The following B9D1 variants were observed in gnomAD, a reference collection of about 807,000 sequenced individuals.
B9D1 encodes B9 domain containing 1, also known as B9 domain-containing protein 1.
Under a neutral mutation model 26.1 loss-of-function variants are expected in B9D1, and 20 were observed. That is an observed-to-expected ratio of 0.77 (90% CI 0.54 to 1.12). The LOEUF (loss-of-function observed/expected upper bound fraction) is 1.12, where lower values mean the gene tolerates loss of function less well. Among genes scored for constraint, B9D1 ranks in the 50% most tolerant of loss-of-function variants. B9D1 has a pLI of 0.00. For missense variants in B9D1, 260 were observed against 273.7 expected (o/e 0.95, Z 0.35); for synonymous variants, 105 against 103.1 (o/e 1.02, Z -0.11).
chr17:19,363,935 C>T (rs1911432478), upstream of B9D1, among the ~76,000 whole-genome samples: 1 of 152,162 alleles, frequency 6.6e-6, no homozygotes, highest in South Asian at 2.1e-4. Flanking sequence ...GGCTGGTGGC[C>T]CAAGTGCTGC....
At chr17:19,343,486 C>T (rs1320670480) in intron 6 of B9D1, 25 bp from the exon 7 acceptor site, 1 of 1,613,916 alleles carries the variant, frequency 6.2e-7, no homozygotes, top group Non-Finnish European at 8.5e-7. Context: ...GCAGCATCAG[C>T]CAGGCTGGGC....
chr17:19,334,930 T>G (rs1907331078), downstream of B9D1: 1 of 154,054 alleles, frequency 6.5e-6, no homozygotes, highest in South Asian at 2.0e-4. The surrounding 1 kb of genome is among the most constrained non-coding windows in gnomAD (Gnocchi z 4.9). Flanking sequence ...GCTAATATTT[T>G]TATAACGTGG....
chr17:19,350,225 C>T (rs748505813), intron 3 of B9D1, among the ~76,000 whole-genome samples: 2 of 151,748 alleles, frequency 1.3e-5, no homozygotes, highest in Non-Finnish European at 2.9e-5. Flanking sequence ...GCCTGGGTAA[C>T]GTGGCAAAAC....
intron 3 of B9D1, among the ~76,000 whole-genome samples, chr17:19,352,763 C>T (rs1209328655): frequency 4.6e-5 from 7 of 152,006 alleles, no homozygotes; most frequent in Admixed American, 2.6e-4. Flanking sequence ...TCAGGGGATC[C>T]GCCCGCCTTG....
chr17:19,353,624 A>G (rs1450731420), intron 3 of B9D1, among the ~76,000 whole-genome samples: 1 of 151,106 alleles, frequency 6.6e-6, no homozygotes, highest in Non-Finnish European at 1.5e-5. Flanking sequence ...CTGGGCAACA[A>G]AAACGAGACT....
At chr17:19,373,270 C>G (rs1434814351) in intron 1 of B9D1, among the ~76,000 whole-genome samples, 1 of 152,192 alleles carries the variant, frequency 6.6e-6, no homozygotes, top group Non-Finnish European at 1.5e-5. Context: ...AAAAGAGTCT[C>G]AAAGCACATC....
chr17:19,343,904 T>G, intron 5 of B9D1, 47 bp from the exon 6 acceptor site: 1 of 1,612,438 alleles, frequency 6.2e-7, no homozygotes, highest in Non-Finnish European at 8.5e-7. Flanking sequence ...ACCTGGGCAT[T>G]CCTGGTCTTG....
intron 3 of B9D1, among the ~76,000 whole-genome samples, chr17:19,354,800 C>T (rs1373302318): frequency 1.3e-5 from 2 of 152,110 alleles, no homozygotes; most frequent in Non-Finnish European, 2.9e-5. Context: ...TGCACTACAG[C>T]CTGGGTGACA....
chr17:19,353,237 A>T (rs1909888729), intron 3 of B9D1, among the ~76,000 whole-genome samples: 1 of 151,340 alleles, frequency 6.6e-6, no homozygotes, highest in Non-Finnish European at 1.5e-5. Context: ...GCCTCCCAAA[A>T]TGCTGGGATT....
chr17:19,337,156 G>A (rs1262562977), downstream of B9D1, among the ~76,000 whole-genome samples: 5 of 152,372 alleles, frequency 3.3e-5, no homozygotes, highest in South Asian at 8.3e-4. Context: ...GCAACAGAGG[G>A]AGGGAGTGCG....
chr17:19,344,282 G>T (rs1462525191), intron 5 of B9D1, among the ~76,000 whole-genome samples: 1 of 152,204 alleles, frequency 6.6e-6, no homozygotes, highest in East Asian at 1.9e-4. Flanking sequence ...CTGGAAGGGG[G>T]TCCCACCCCA....
intron 5 of B9D1, chr17:19,344,560 G>T: frequency 4.1e-6 from 1 of 245,066 alleles, no homozygotes; most frequent in Non-Finnish European, 8.6e-6. Context: ...TTCCCGGCCG[G>T]GTGGGTCCAG....
At chr17:19,336,031 G>T (rs1362726672), downstream of B9D1, 1 of 152,384 alleles carries the variant, frequency 6.6e-6, no homozygotes, top group Non-Finnish European at 1.5e-5. Context: ...CTTCGCACCG[G>T]CACAGGAGAG....
intron 5 of B9D1, among the ~76,000 whole-genome samples, chr17:19,345,936 T>A (rs928390894): frequency 6.6e-6 from 1 of 152,344 alleles, no homozygotes; most frequent in East Asian, 1.9e-4. Flanking sequence ...CTTTCTCCAG[T>A]TTTTGTAATC....
downstream of B9D1, among the ~76,000 whole-genome samples, chr17:19,342,698 G>A (rs1908108107): frequency 6.6e-6 from 1 of 152,160 alleles, no homozygotes; most frequent in South Asian, 2.1e-4. Context: ...CTGGACCCCA[G>A]CCAGCGGCCT....
chr17:19,338,141 G>T (rs1225088930), downstream of B9D1, among the ~76,000 whole-genome samples: 1 of 152,216 alleles, frequency 6.6e-6, no homozygotes, highest in Non-Finnish European at 1.5e-5. Flanking sequence ...GCAGGGCAGG[G>T]GTCAGTACCC....
At position 19,347,892 on chromosome 17, in the gene B9D1, C is replaced by A; in HGVS notation, c.245-12G>T. ...CACGATCTGTGGCCCTTGGGAAGGACAAGGCAGGGGGTGGGCACATGAGGA... is the reference window on the plus strand; with the variant it reads ...CACGATCTGTGGCCCTTGGGAAGGAAAAGGCAGGGGGTGGGCACATGAGGA... On this transcript the variant is annotated splice_polypyrimidine_tract_variant and intron_variant, in intron 3 of 6. Coordinates refer to ENST00000261499, the MANE Select transcript of B9D1 (RefSeq NM_015681.6). This position sits in a 1 kb window ranked among gnomAD's most constrained non-coding sequence, Gnocchi z 4.3. The A allele has an allele frequency of 1.2e-6, 2 of 1,613,162 alleles. No individual in the cohort carries two copies. Among genetic ancestry groups the A allele is most frequent in the Non-Finnish European group, 1.7e-6 (2 of 1,179,370 alleles).
At chr17:19,335,174 T>TAAA, downstream of B9D1, 2 of 345,792 alleles carry the variant, frequency 5.8e-6, no homozygotes, top group African/African-American at 2.1e-5. Flanking sequence ...GATGTTTATT[T>TAAA]AAAAAAAAAA....
chr17:19,362,474 G>A (rs1253358088), intron 1 of B9D1, 33 bp downstream of exon 1: 3 of 1,510,102 alleles, frequency 2.0e-6, no homozygotes, highest in South Asian at 2.5e-5. Flanking sequence ...GGACGCTGGG[G>A]GGCGGGCCCC....
Sources: gnomAD v4.1 joint callset for allele counts (sites outside exome capture counted in the v4.1 genomes callset) on GRCh38, gnomAD v4.1.1 for gene constraint, Gnocchi (gnomAD v3.1) non-coding constraint, MANE v1.5 for transcripts, NCBI Gene and HGNC (gene_info 2026-07-23, HGNC 2026-07-21) for gene names.